Variants in PM20D1 observed in about 807,000 individuals in gnomAD.
PM20D1 encodes the protein peptidase M20 domain containing 1.
A neutral mutation model predicts 53.8 loss-of-function variants in PM20D1; 53 were observed. That is an observed-to-expected ratio of 0.98 (90% confidence interval 0.79 to 1.24). PM20D1 has a LOEUF of 1.24. Ranked by LOEUF, PM20D1 falls within the 50% of genes most tolerant of loss-of-function variation. The probability of loss-of-function intolerance (pLI) is 0.00; values close to 1 mark genes in which losing one functional copy is unlikely to be tolerated. For synonymous variants in PM20D1, 239 were observed against 241.3 expected (o/e 0.99, Z 0.09); for missense variants, 564 against 616.8 (o/e 0.91, Z 0.91).
chr1:205,841,898 A>G lies in PM20D1; in HGVS notation c.966-9T>C. The G allele has an allele frequency of 1.9e-6, 3 of 1,555,812 alleles. No homozygotes were observed. The highest frequency in any genetic ancestry group is 2.6e-6 in the Non-Finnish European group (3 of 1,148,234). ...GATTTCTCTCCATAAACCTAAAACA[A>G]AAGGACCAAGGTCAGATGTTAGAAA... On this transcript the variant is annotated splice_polypyrimidine_tract_variant and intron_variant, in intron 8 of 12. Transcript: ENST00000367136.
At position 205,842,202 on chromosome 1, in the gene PM20D1, A is replaced by T. The variant is rs1346697202; in HGVS notation, c.917T>A (p.Val306Asp). ...CCATGGGTTGCTCAGGATTATATTG[A>T]CAGGGAAGGGAAACTGGGAAAGAAC... is the stretch of plus-strand genomic sequence containing the variant. ...QQLANEFPFP[V>D]NIILSNPWLF... is the part of the protein sequence containing the mutation. Residue 306 changes from valine to aspartate, a missense_variant, in exon 8 of 13, where the codon GTC becomes GAC. Val to Asp is a radical substitution (Grantham distance 152). Coordinates refer to ENST00000367136, the MANE Select transcript of PM20D1 (RefSeq NM_152491.5). 1 of 1,613,114 alleles carries T rather than the reference A, an allele frequency of 6.2e-7. No individual in the cohort carries two copies.
chr1:205,843,559 C>T (rs767671967), intron 6 of PM20D1, 108 bp downstream of exon 6: 101 of 1,474,692 alleles, frequency 6.8e-5, no homozygotes, highest in Non-Finnish European at 8.8e-5. Flanking sequence ...GCATAGTTTC[C>T]CAGCCCAACT....
At chr1:205,837,018 G>A (rs1205060287) in intron 10 of PM20D1, among the ~76,000 whole-genome samples, 1 of 152,124 alleles carries the variant, frequency 6.6e-6, no homozygotes, top group East Asian at 1.9e-4. Flanking sequence ...CCTCACTGCT[G>A]TACTTCTGCC....
chr1:205,836,713 G>C (rs1003206736), intron 10 of PM20D1, among the ~76,000 whole-genome samples: 3 of 152,076 alleles, frequency 2.0e-5, no homozygotes, highest in Admixed American at 6.6e-5. Flanking sequence ...GTGTTGTCCA[G>C]GCTGGTCTTG....
At chr1:205,831,165 C>T (rs1243906651) in intron 11 of PM20D1, among the ~76,000 whole-genome samples, 1 of 152,140 alleles carries the variant, frequency 6.6e-6, no homozygotes, top group East Asian at 1.9e-4. Flanking sequence ...GGGACTTGTG[C>T]CCATAGGTGT....
At chr1:205,840,186 C>T in intron 10 of PM20D1, 66 bp downstream of exon 10, 13 of 1,466,990 alleles carry the variant, frequency 8.9e-6, no homozygotes, top group Non-Finnish European at 1.2e-5. Flanking sequence ...GTAGTTAAAC[C>T]CGGGCCCTGA....
chr1:205,841,959 C>T lies in PM20D1; in HGVS notation c.966-70G>A. 3 of 1,408,820 alleles carry T rather than the reference C, an allele frequency of 2.1e-6. No homozygotes were observed. In the South Asian group the frequency reaches 3.7e-5, roughly 17 times the overall value. The allele number at this position is 1,408,820 out of a possible 1,614,324, so 87.3% of individuals were successfully genotyped here. ...GGTGAAGGAAAGGGCGGAAACATTA[C>T]CCACTTTCCTGAACCTTGGGGATCT... On this transcript the variant is annotated intron_variant, in intron 8 of 12. Coordinates refer to ENST00000367136, the MANE Select transcript of PM20D1 (RefSeq NM_152491.5).
chr1:205,836,376 G>A (rs774807226), intron 10 of PM20D1, among the ~76,000 whole-genome samples: 4 of 152,200 alleles, frequency 2.6e-5, no homozygotes, highest in Non-Finnish European at 4.4e-5. Context: ...CTCAAGACAG[G>A]TTGTCATCCC....
At chr1:205,834,744 C>T (rs1656644031) in intron 10 of PM20D1, among the ~76,000 whole-genome samples, 1 of 152,172 alleles carries the variant, frequency 6.6e-6, no homozygotes, top group African/African-American at 2.4e-5. Context: ...TGGGACTGTG[C>T]CCACTGCCCC....
intron 2 of PM20D1, among the ~76,000 whole-genome samples, chr1:205,846,998 C>T: frequency 8.1e-6 from 1 of 123,114 alleles, no homozygotes; most frequent in African/African-American, 3.0e-5. Flanking sequence ...TTTTTCCTTC[C>T]TTCCTTTCTT....
At chr1:205,845,709 C>G (rs1296442108) in intron 2 of PM20D1, 152 bp from the exon 3 acceptor site, 1 of 637,820 alleles carries the variant, frequency 1.6e-6, no homozygotes, top group Admixed American at 2.9e-5. Context: ...AGTCTGATTC[C>G]TGATCTACCT....
At chr1:205,838,664 T>C (rs988629657) in intron 10 of PM20D1, among the ~76,000 whole-genome samples, 1 of 152,186 alleles carries the variant, frequency 6.6e-6, no homozygotes, top group African/African-American at 2.4e-5. Flanking sequence ...CTAGTTCATA[T>C]CTCTCTCCAG....
chr1:205,842,164 G>A lies in PM20D1; in HGVS notation c.955C>T (p.Leu319Phe). ...ILSNPWLFEP[L>F]ISRFMERNPL... ...AAGATAATACTTTACCTGCTTATAA[G>A]TGGTTCAAATAGCCATGGGTTGCTC... Residue 319 changes from leucine to phenylalanine, a missense_variant, in exon 8 of 13, where the codon CTT becomes TTT. Physicochemically the swap from Leu to Phe is conservative, Grantham distance 22. Transcript: ENST00000367136. The A allele has an allele frequency of 6.2e-7, 1 of 1,611,806 alleles. No individual in the cohort carries two copies. The highest frequency in any genetic ancestry group is 8.5e-7 in the Non-Finnish European group (1 of 1,177,894).
intron 2 of PM20D1, among the ~76,000 whole-genome samples, 170 bp from the exon 3 acceptor site, chr1:205,845,727 C>G (rs539956296): frequency 6.6e-6 from 1 of 152,330 alleles, no homozygotes; most frequent in South Asian, 2.1e-4. Flanking sequence ...CCTGGACAAT[C>G]TTTGAAATTC....
At chr1:205,838,930 C>T (rs1235853177) in intron 10 of PM20D1, among the ~76,000 whole-genome samples, 1 of 152,202 alleles carries the variant, frequency 6.6e-6, no homozygotes, top group East Asian at 1.9e-4. Context: ...ACCCCACGAG[C>T]ATGGCCTCAG....
At position 205,828,727 on chromosome 1, in the gene PM20D1, C is replaced by G; in HGVS notation, c.1402G>C (p.Glu468Gln). The G allele has an allele frequency of 6.2e-7, 1 of 1,614,010 alleles. No individual in the cohort carries two copies. The highest frequency in any genetic ancestry group is 8.5e-7 in the Non-Finnish European group (1 of 1,179,922). Residue 468 changes from glutamate (E) to glutamine (Q), a missense_variant, in exon 13 of 13, where the codon GAG becomes CAG. Physicochemically the swap from Glu to Gln is conservative, Grantham distance 29. Coordinates refer to ENST00000367136, the MANE Select transcript of PM20D1 (RefSeq NM_152491.5). The stretch of plus-strand genomic sequence containing the variant: ...TCATAGGCTTGGACTGAGATTTTCT[C>G]GTTGACTCCATGGATGCTGAGGAAA... ...EDFKRIHGVN[E>Q]KISVQAYETQ...
Position 205,841,862 on chromosome 1 carries a change from A to G in PM20D1, c.993T>C (p.Asn331=), listed in dbSNP as rs1204584604. 1 of 1,567,114 alleles carries G rather than the reference A, an allele frequency of 6.4e-7. No individual in the cohort carries two copies. The highest frequency in any genetic ancestry group is 1.8e-5 in the Admixed American group (1 of 54,292). ...GTGCCGTGGTGGTCCTGATTATTGC[A>G]TTGGTTAAGGGATTTCTCTCCATAA... ...SRFMERNPLT[N]AIIRTTTALT... is the part of the protein sequence containing the mutation. Residue 331 remains asparagine (N), a synonymous_variant, in exon 9 of 13, where the codon AAT becomes AAC. Transcript: ENST00000367136.
rs1656481838 is a variant in PM20D1, at chr1:205,828,113, A to T, written c.*507T>A. 1 of 153,870 alleles carries T rather than the reference A, an allele frequency of 6.5e-6. No individual in the cohort carries two copies. Among genetic ancestry groups the T allele is most frequent in the Admixed American group, 6.5e-5 (1 of 15,458 alleles). The allele number at this position is 153,870 out of a possible 1,614,324, so 9.5% of individuals were successfully genotyped here. A position where few individuals can be genotyped will look rare whatever the true frequency, so the allele number is the denominator to read the frequency against. ...TAAGTCCAGGTCCAGAAGTAGAATAAATTGAAGAGTAAGGGGAGAGATGCA... is the reference window on the plus strand; with the variant it reads ...TAAGTCCAGGTCCAGAAGTAGAATATATTGAAGAGTAAGGGGAGAGATGCA... On this transcript the variant is annotated 3_prime_UTR_variant, in exon 13 of 13. Transcript: ENST00000367136.
intron 7 of PM20D1, 63 bp downstream of exon 7, chr1:205,842,613 G>C: frequency 6.6e-7 from 1 of 1,524,436 alleles, no homozygotes; most frequent in South Asian, 1.1e-5. Context: ...TACTCTAAAG[G>C]TTACTTTTCT....
Sources: allele counts gnomAD v4.1 joint callset (sites outside exome capture counted in the v4.1 genomes callset), GRCh38; gene constraint gnomAD v4.1.1; transcripts MANE v1.5; gene names NCBI Gene and HGNC (gene_info 2026-07-23, HGNC 2026-07-21).